Variants in MYLIP observed in about 807,000 individuals in gnomAD.
MYLIP encodes the protein E3 ubiquitin-protein ligase MYLIP.
Under a neutral mutation model 45.8 loss-of-function variants are expected in MYLIP, and 26 were observed. The ratio of observed to expected loss-of-function variants is 0.57; its 90% CI spans 0.42 to 0.79. MYLIP has a LOEUF of 0.79. MYLIP is among the 30% of genes least tolerant of loss of function. MYLIP has a pLI of 0.00. For synonymous variants in MYLIP, 213 were observed against 218.1 expected, an observed-to-expected ratio of 0.98 and a Z score of 0.21; for missense variants, 494 against 555.6, an observed-to-expected ratio of 0.89 and a Z score of 1.11.
chr6:16,161,026 C>T, the MYLIP span: 168 of 156,238 alleles, frequency 1.1e-3, 4 homozygotes, highest in East Asian at 0.026. Flanking sequence ...ACATCCTCGC[C>T]GGAGTGGAGA....
chr6:16,131,884 T>C (rs962260677), intron 2 of MYLIP, among the ~76,000 whole-genome samples: 8 of 152,230 alleles, frequency 5.3e-5, no homozygotes, highest in African/African-American at 1.9e-4. Flanking sequence ...ATGAAGATGG[T>C]ATATTGAGTT....
At chr6:16,157,726 G>T in the MYLIP span, among the ~76,000 whole-genome samples, 2 of 152,234 alleles carry the variant, frequency 1.3e-5, no homozygotes, top group African/African-American at 2.4e-5. Flanking sequence ...GGATTTAACT[G>T]CCAGTTACAC....
chr6:16,141,836 T>A, intron 3 of MYLIP, 26 bp downstream of exon 3: 1 of 1,577,028 alleles, frequency 6.3e-7, no homozygotes. Flanking sequence ...ATAGTATTGT[T>A]TACAACTAGA....
chr6:16,163,390 G>A, the MYLIP span: 1 of 152,016 alleles, frequency 6.6e-6, no homozygotes, highest in Non-Finnish European at 1.5e-5. Flanking sequence ...TATCACCTGT[G>A]GGCTTTTGCT....
At position 16,141,654 on chromosome 6, in the gene MYLIP, C is replaced by A. The variant is rs752715251; in HGVS notation, c.308C>A (p.Ala103Asp). The change falls in exon 3 of 7, where the codon GCC becomes GAC. Residue 103 changes from alanine to aspartate, a missense_variant. Transcript: ENST00000356840. ...ATCTTTTTCTTGCACATCAAGGAGG[C>A]CCTCTTGGCAGGCCACCTCTTGTGT... Reference protein sequence around the residue: ...RHIFFLHIKEALLAGHLLCSP... With the variant: ...RHIFFLHIKEDLLAGHLLCSP... 45 of 1,613,330 alleles carry A rather than the reference C, an allele frequency of 2.8e-5. No individual in the cohort carries two copies. The highest frequency in any genetic ancestry group is 5.0e-5 in the Admixed American group (3 of 59,968).
chr6:16,151,640 A>G (rs558096133), downstream of MYLIP, among the ~76,000 whole-genome samples: 1 of 152,340 alleles, frequency 6.6e-6, no homozygotes, highest in South Asian at 2.1e-4. Context: ...ATTGCAGATT[A>G]CTTATATTCA....
At chr6:16,130,892 T>G in intron 2 of MYLIP, 145 bp downstream of exon 2, 1 of 773,432 alleles carries the variant, frequency 1.3e-6, no homozygotes, top group Non-Finnish European at 2.0e-6. Context: ...CAGGTCCTTT[T>G]GTTGAGGTGG....
At chr6:16,156,595 G>A in the MYLIP span, among the ~76,000 whole-genome samples, 1 of 152,138 alleles carries the variant, frequency 6.6e-6, no homozygotes, top group Non-Finnish European at 1.5e-5. Flanking sequence ...ATAAAGCTTT[G>A]GGGCACCCAA....
In MYLIP at chr6:16,146,956, A is replaced by C. The variant is rs1257912756; in HGVS notation, c.*205A>C. ...TAGAATCAACAACTCCAGTCATGGG[A>C]CCAGGAGGAGCTCTGGGACGCAGAC... On this transcript the variant is annotated 3_prime_UTR_variant, in exon 7 of 7. Transcript: ENST00000356840. 4.3e-6 allele frequency: 2 copies of C among 462,708 alleles called. No homozygotes were observed. Among genetic ancestry groups the C allele is most frequent in the African/African-American group, 3.9e-5 (2 of 51,650 alleles). 28.7% of individuals were successfully genotyped at this position (462,708 alleles called of 1,614,324 possible).
the MYLIP span, among the ~76,000 whole-genome samples, chr6:16,153,349 T>A: frequency 6.6e-6 from 1 of 152,232 alleles, no homozygotes; most frequent in African/African-American, 2.4e-5. Flanking sequence ...GGTTAGAACA[T>A]GCTGCCTTTC....
chr6:16,143,309 G>A (rs982835621), intron 4 of MYLIP, 92 bp downstream of exon 4: 11 of 1,269,480 alleles, frequency 8.7e-6, no homozygotes, highest in Middle Eastern at 2.2e-4. Flanking sequence ...TTACTCGACA[G>A]TCAGCTCTTA....
At chr6:16,139,500 A>G (rs531983116) in intron 2 of MYLIP, among the ~76,000 whole-genome samples, 37 of 152,252 alleles carry the variant, frequency 2.4e-4, no homozygotes, top group African/African-American at 8.4e-4. Context: ...TAACGAAAGC[A>G]TAGATGCAGA....
At chr6:16,156,832 AG>A in the MYLIP span, among the ~76,000 whole-genome samples, 2 of 152,214 alleles carry the variant, frequency 1.3e-5, no homozygotes, top group Admixed American at 1.3e-4. Flanking sequence ...TCAATGCCCT[AG>A]GTGCCAGCTA....
chr6:16,159,756 AC>A, the MYLIP span, among the ~76,000 whole-genome samples: 1 of 152,064 alleles, frequency 6.6e-6, no homozygotes, highest in African/African-American at 2.4e-5. Context: ...AGACCTGAAT[AC>A]CCCCAGGCTG....
chr6:16,143,130 T>G lies in MYLIP; in HGVS notation c.575T>G (p.Val192Gly). 6.2e-7 allele frequency: 1 copy of G among 1,614,202 alleles called. No homozygotes were observed. Among genetic ancestry groups the G allele is most frequent in the Non-Finnish European group, 8.5e-7 (1 of 1,180,036 alleles). The change falls in exon 4 of 7, where the codon GTG (valine) becomes GGG (glycine). Residue 192 changes from valine (V) to glycine (G), a missense_variant. Transcript: ENST00000356840. ...AACTATGGCATAGAATGGCATTCTGTGCGGGATAGCGAAGGGCAGAAACTG... is the reference window on the plus strand; with the variant it reads ...AACTATGGCATAGAATGGCATTCTGGGCGGGATAGCGAAGGGCAGAAACTG... ...MENYGIEWHSVRDSEGQKLLI... is the reference protein window; with the variant it reads ...MENYGIEWHSGRDSEGQKLLI...
At chr6:16,159,417 C>T in the MYLIP span, among the ~76,000 whole-genome samples, 2 of 152,176 alleles carry the variant, frequency 1.3e-5, no homozygotes, top group African/African-American at 2.4e-5. Context: ...GGACTCTAAA[C>T]ACTGTAAGTA....
chr6:16,150,321 G>GA (rs1581611786), downstream of MYLIP, among the ~76,000 whole-genome samples: 1 of 152,170 alleles, frequency 6.6e-6, no homozygotes, highest in African/African-American at 2.4e-5. Flanking sequence ...GTGGCAGTAT[G>GA]AGGAAGTGTC....
rs1723768220 is a variant in MYLIP, at chr6:16,129,529, C to T, written c.87+120C>T. Reference sequence around the variant, plus strand: ...GGCCGGGAGGCACTGCGGCGGCAGCCGGGGGGAGCGCGTCCCCTCCTCTCC... The same window carrying T: ...GGCCGGGAGGCACTGCGGCGGCAGCTGGGGGGAGCGCGTCCCCTCCTCTCC... On this transcript the variant is annotated intron_variant, in intron 1 of 6. Coordinates refer to ENST00000356840, the MANE Select transcript of MYLIP (RefSeq NM_013262.4). This position sits in a 1 kb window ranked among gnomAD's most constrained non-coding sequence, Gnocchi z 5.1. The T allele has an allele frequency of 8.3e-6, 8 of 960,680 alleles. No homozygotes were observed. Among genetic ancestry groups the T allele is most frequent in the Non-Finnish European group, 1.2e-5 (8 of 665,268 alleles). The allele number at this position is 960,680 out of a possible 1,614,324, so 59.5% of individuals were successfully genotyped here.
chr6:16,158,370 T>G, the MYLIP span, among the ~76,000 whole-genome samples: 1 of 152,238 alleles, frequency 6.6e-6, no homozygotes, highest in African/African-American at 2.4e-5. Context: ...TGCAGCACCT[T>G]AAGTATCACA....
Sources: allele counts gnomAD v4.1 joint callset (sites outside exome capture counted in the v4.1 genomes callset), GRCh38; gene constraint gnomAD v4.1.1; non-coding constraint Gnocchi (gnomAD v3.1); transcripts MANE v1.5; gene names NCBI Gene and HGNC (gene_info 2026-07-23, HGNC 2026-07-21).